DLG2: variants seen among roughly 807,000 people sequenced by gnomAD.
The protein encoded by DLG2 is discs large MAGUK scaffold protein 2, also known as disks large homolog 2.
Under a neutral mutation model 132.5 loss-of-function variants are expected in DLG2, and 45 were observed. The observed-to-expected ratio is 0.34, with a 90% confidence interval of 0.27 to 0.44. The LOEUF is 0.44. DLG2 is among the 20% of genes least tolerant of loss of function. The probability of loss-of-function intolerance (pLI) is 1.00; values close to 1 mark genes in which losing one functional copy is unlikely to be tolerated. For synonymous variants in DLG2, 424 were observed against 419.6 expected, an observed-to-expected ratio of 1.01 and a Z score of -0.13; for missense variants, 1,045 against 1,196.9, an observed-to-expected ratio of 0.87 and a Z score of 1.87.
intron 4 of DLG2, among the ~76,000 whole-genome samples, chr11:85,181,881 C>A (rs1009598765): frequency 6.6e-6 from 1 of 151,390 alleles, no homozygotes; most frequent in Non-Finnish European, 1.5e-5. Context: ...TACAGGCTTC[C>A]AGGAAATGCT....
intron 7 of DLG2, among the ~76,000 whole-genome samples, chr11:84,388,803 G>T (rs2098781528): frequency 6.6e-6 from 1 of 152,014 alleles, no homozygotes; most frequent in Admixed American, 6.6e-5. Flanking sequence ...TGCTACTAAA[G>T]AAATAATTAT....
chr11:83,689,948 T>C (rs1827391684), intron 18 of DLG2, among the ~76,000 whole-genome samples: 1 of 138,734 alleles, frequency 7.2e-6, no homozygotes, highest in South Asian at 2.2e-4. Flanking sequence ...ATATATATTA[T>C]ATATATTTAT....
At chr11:85,545,966 A>G (rs1259404812) in intron 3 of DLG2, among the ~76,000 whole-genome samples, 1 of 152,048 alleles carries the variant, frequency 6.6e-6, no homozygotes, top group East Asian at 1.9e-4. Context: ...GATTTTATGT[A>G]GGGTTTTTTG....
intron 19 of DLG2, among the ~76,000 whole-genome samples, 160 bp from the exon 20 acceptor site, chr11:83,542,018 T>C (rs1007511204): frequency 6.6e-6 from 1 of 152,176 alleles, no homozygotes; most frequent in African/African-American, 2.4e-5. Context: ...CTCACTGCTT[T>C]GGCAACACAC....
At chr11:84,417,701 T>G (rs2098934518) in intron 7 of DLG2, among the ~76,000 whole-genome samples, 1 of 152,174 alleles carries the variant, frequency 6.6e-6, no homozygotes, top group South Asian at 2.1e-4. Flanking sequence ...CCTCAGCTCT[T>G]CATTTCTCAC....
intron 7 of DLG2, among the ~76,000 whole-genome samples, chr11:84,464,097 A>G (rs549712979): frequency 1.3e-4 from 19 of 151,344 alleles, no homozygotes; most frequent in African/African-American, 4.6e-4. Context: ...GATAATTTGT[A>G]TTGGGAACTA....
intron 19 of DLG2, among the ~76,000 whole-genome samples, chr11:83,565,511 A>G (rs2096691698): frequency 6.6e-6 from 1 of 152,240 alleles, no homozygotes; most frequent in African/African-American, 2.4e-5. Flanking sequence ...ATTTGAAAGC[A>G]AACTGAATTT....
intron 8 of DLG2, among the ~76,000 whole-genome samples, chr11:84,201,841 A>T (rs57738544): frequency 2.0e-5 from 2 of 101,498 alleles, no homozygotes; most frequent in East Asian, 3.0e-4. Flanking sequence ...TTTTTTTGAG[A>T]TGGAGTCTCA....
intron 5 of DLG2, among the ~76,000 whole-genome samples, chr11:85,132,402 CAGAA>C (rs2075785384): frequency 6.6e-6 from 1 of 151,998 alleles, no homozygotes; most frequent in African/African-American, 2.4e-5. Flanking sequence ...TTATCACACT[CAGAA>C]AGACTGCCCT....
chr11:84,726,810 C>T (rs552646143), intron 6 of DLG2, among the ~76,000 whole-genome samples: 30 of 152,118 alleles, frequency 2.0e-4, no homozygotes, highest in Non-Finnish European at 4.3e-4. Flanking sequence ...GCCATTCTGA[C>T]TGGCATGAGA....
At chr11:84,872,447 C>T (rs377733798) in intron 6 of DLG2, among the ~76,000 whole-genome samples, 7 of 152,262 alleles carry the variant, frequency 4.6e-5, no homozygotes, top group African/African-American at 1.7e-4. Flanking sequence ...CCTTGAGGAT[C>T]TTAAGGGTAG....
At chr11:84,046,225 C>T (rs2096240441) in intron 11 of DLG2, among the ~76,000 whole-genome samples, 1 of 151,546 alleles carries the variant, frequency 6.6e-6, no homozygotes, top group South Asian at 2.1e-4. Context: ...TCAATTAATG[C>T]TTTGTTAAAT....
chr11:85,110,837 G>A (rs911514257), intron 6 of DLG2, among the ~76,000 whole-genome samples: 3 of 152,082 alleles, frequency 2.0e-5, no homozygotes, highest in Non-Finnish European at 2.9e-5. Context: ...TGCCTACAAG[G>A]GGAGTCAAAT....
At chr11:84,512,263 T>C (rs2099259175) in intron 7 of DLG2, among the ~76,000 whole-genome samples, 1 of 152,160 alleles carries the variant, frequency 6.6e-6, no homozygotes, top group Non-Finnish European at 1.5e-5. Flanking sequence ...TCAGCTTTTC[T>C]GCATGCAAGT....
intron 11 of DLG2, among the ~76,000 whole-genome samples, chr11:83,999,534 A>G (rs2094226966): frequency 6.6e-6 from 1 of 152,174 alleles, no homozygotes; most frequent in South Asian, 2.1e-4. Flanking sequence ...ACACTGAATA[A>G]GTCAACTGGA....
chr11:84,727,497 C>A (rs1260600697), intron 6 of DLG2, among the ~76,000 whole-genome samples: 1 of 152,076 alleles, frequency 6.6e-6, no homozygotes, highest in Non-Finnish European at 1.5e-5. Flanking sequence ...GTTACTGTAG[C>A]CTTGTAGTAC....
chr11:83,650,182 C>A (rs1431055887), intron 18 of DLG2, among the ~76,000 whole-genome samples: 2 of 152,144 alleles, frequency 1.3e-5, no homozygotes, highest in Admixed American at 6.5e-5. Flanking sequence ...ATATCCTAAT[C>A]CCGAGAACTT....
chr11:83,986,305 C>T (rs1343488852), intron 11 of DLG2, among the ~76,000 whole-genome samples: 5 of 151,406 alleles, frequency 3.3e-5, no homozygotes, highest in South Asian at 2.1e-4. Flanking sequence ...TGAGAATATG[C>T]GGCATTTGGT....
At chr11:83,860,843 T>A (rs927079902) in intron 16 of DLG2, among the ~76,000 whole-genome samples, 1 of 152,150 alleles carries the variant, frequency 6.6e-6, no homozygotes, top group African/African-American at 2.4e-5. Flanking sequence ...GGGTGGGTCT[T>A]TCCTGTGCTG....
Sources: gnomAD v4.1 joint callset for allele counts (sites outside exome capture counted in the v4.1 genomes callset) on GRCh38, gnomAD v4.1.1 for gene constraint, MANE v1.5 for transcripts, NCBI Gene and HGNC (gene_info 2026-07-23, HGNC 2026-07-21) for gene names.